The following ESRRG variants were observed in gnomAD, a reference collection of about 807,000 sequenced individuals.
ESRRG encodes estrogen-related receptor gamma.
Under a neutral mutation model 44.0 loss-of-function variants are expected in ESRRG, and 13 were observed. The ratio of observed to expected loss-of-function variants is 0.30; its 90% CI spans 0.19 to 0.47. The LOEUF is 0.47. Ranked by LOEUF, ESRRG falls within the 20% of genes least tolerant of loss-of-function variation. The pLI, the probability that ESRRG is intolerant of heterozygous loss-of-function variation, is 1.00. For missense variants in ESRRG, 395 were observed against 580.6 expected, an observed-to-expected ratio of 0.68 and a Z score of 3.29; for synonymous variants, 215 against 214.6, an observed-to-expected ratio of 1.00 and a Z score of -0.02.
intron 2 of ESRRG, among the ~76,000 whole-genome samples, chr1:216,905,119 T>C (rs1459027510): frequency 6.6e-6 from 1 of 152,142 alleles, no homozygotes. Flanking sequence ...GGGACGGAAC[T>C]TCAATAAACC....
intron 3 of ESRRG, among the ~76,000 whole-genome samples, chr1:216,576,173 C>A (rs1015244279): frequency 6.6e-6 from 1 of 152,048 alleles, no homozygotes; most frequent in African/African-American, 2.4e-5. Context: ...CTATTTTCCA[C>A]TAAACTCCCC....
At chr1:216,817,677 C>A (rs991093313) in intron 2 of ESRRG, among the ~76,000 whole-genome samples, 5 of 152,108 alleles carry the variant, frequency 3.3e-5, no homozygotes, top group Non-Finnish European at 7.4e-5. Flanking sequence ...TGTATATATT[C>A]ATCATCCTGA....
At chr1:217,024,313 G>C (rs898659452) in intron 1 of ESRRG, among the ~76,000 whole-genome samples, 2 of 151,270 alleles carry the variant, frequency 1.3e-5, no homozygotes, top group African/African-American at 4.9e-5. Flanking sequence ...AGCCGAGATT[G>C]CACCACTGCA....
intron 2 of ESRRG, among the ~76,000 whole-genome samples, chr1:216,936,309 T>A (rs986386836): frequency 2.0e-5 from 3 of 152,146 alleles, no homozygotes; most frequent in African/African-American, 7.2e-5. Flanking sequence ...GGTATAATCA[T>A]GAGAAAACAA....
At chr1:217,063,115 G>A (rs959882058) in intron 1 of ESRRG, among the ~76,000 whole-genome samples, 1 of 152,046 alleles carries the variant, frequency 6.6e-6, no homozygotes, top group African/African-American at 2.4e-5. Flanking sequence ...TATTTAATGG[G>A]TTCTAGAAAA....
chr1:216,981,745 C>A (rs2074013861), intron 1 of ESRRG, among the ~76,000 whole-genome samples: 1 of 151,974 alleles, frequency 6.6e-6, no homozygotes, highest in Non-Finnish European at 1.5e-5. Flanking sequence ...GCACACACAG[C>A]ACACACATAC....
intron 1 of ESRRG, among the ~76,000 whole-genome samples, chr1:217,125,727 T>C (rs772280235): frequency 6.6e-6 from 1 of 152,226 alleles, no homozygotes; most frequent in Non-Finnish European, 1.5e-5. Flanking sequence ...TTGAATCTAT[T>C]TAAATCCCAA....
intron 1 of ESRRG, among the ~76,000 whole-genome samples, chr1:217,098,270 T>C (rs2092454956): frequency 6.6e-6 from 1 of 152,086 alleles, no homozygotes; most frequent in African/African-American, 2.4e-5. Context: ...GAATTGACTC[T>C]CTGAGTACCA....
intron 2 of ESRRG, among the ~76,000 whole-genome samples, chr1:216,741,071 GC>G (rs1371852196): frequency 6.7e-6 from 1 of 149,590 alleles, no homozygotes; most frequent in Non-Finnish European, 1.5e-5. Context: ...CTTCTTTCAC[GC>G]CCCCGTCCCC....
intron 1 of ESRRG, among the ~76,000 whole-genome samples, chr1:216,979,274 C>G (rs1264689260): frequency 2.0e-5 from 3 of 152,074 alleles, no homozygotes; most frequent in African/African-American, 7.2e-5. Context: ...TCAGGATTGG[C>G]TTTAAGGGAT....
At chr1:216,697,027 A>G (rs574504249) in intron 1 of ESRRG, among the ~76,000 whole-genome samples, 1 of 151,628 alleles carries the variant, frequency 6.6e-6, no homozygotes, top group African/African-American at 2.4e-5. Context: ...GTGCAGTGGC[A>G]TGATCCTGGC....
At chr1:216,929,846 C>T (rs1471394084) in intron 2 of ESRRG, among the ~76,000 whole-genome samples, 2 of 152,160 alleles carry the variant, frequency 1.3e-5, no homozygotes, top group African/African-American at 4.8e-5. Flanking sequence ...TAAAATGCTA[C>T]ATCTGTGATC....
chr1:216,977,952 C>G (rs993995559), intron 1 of ESRRG, among the ~76,000 whole-genome samples: 3 of 152,084 alleles, frequency 2.0e-5, no homozygotes, highest in Non-Finnish European at 4.4e-5. Context: ...TGTCCTTCTC[C>G]CTTCCACCAT....
chr1:216,774,650 T>G (rs2093523409), intron 2 of ESRRG, among the ~76,000 whole-genome samples: 1 of 152,066 alleles, frequency 6.6e-6, no homozygotes, highest in Admixed American at 6.6e-5. Context: ...CCTTATAACA[T>G]ATTAATGAAA....
chr1:216,777,865 C>T (rs947194374), intron 2 of ESRRG, among the ~76,000 whole-genome samples: 3 of 152,058 alleles, frequency 2.0e-5, no homozygotes, highest in African/African-American at 7.2e-5. Context: ...TGGAATGATA[C>T]AAGTTCTCTC....
At chr1:216,772,657 G>T (rs2093429744) in intron 2 of ESRRG, among the ~76,000 whole-genome samples, 1 of 152,100 alleles carries the variant, frequency 6.6e-6, no homozygotes, top group Admixed American at 6.6e-5. Context: ...ACTTCAGAGA[G>T]AGTTAATCTT....
intron 2 of ESRRG, among the ~76,000 whole-genome samples, chr1:216,931,305 T>C (rs1483641899): frequency 1.3e-5 from 2 of 152,206 alleles, no homozygotes; most frequent in Non-Finnish European, 2.9e-5. Flanking sequence ...TTCAGAACTT[T>C]CTTTGTCTTC....
intron 1 of ESRRG, chr1:216,985,710 A>G (rs1205537327): frequency 6.6e-6 from 1 of 152,156 alleles, no homozygotes; most frequent in Non-Finnish European, 1.5e-5. Context: ...GACAGTCAGG[A>G]CTGTTGGTAG....
intron 1 of ESRRG, among the ~76,000 whole-genome samples, chr1:217,102,748 G>T (rs890514500): frequency 3.3e-5 from 5 of 152,148 alleles, no homozygotes; most frequent in Non-Finnish European, 7.3e-5. Context: ...TATGTCCCTA[G>T]CCTACAACAA....
Sources: gnomAD v4.1 joint callset for allele counts (sites outside exome capture counted in the v4.1 genomes callset) on GRCh38, gnomAD v4.1.1 for gene constraint, MANE v1.5 for transcripts, NCBI Gene and HGNC (gene_info 2026-07-23, HGNC 2026-07-21) for gene names.